Variants in SV2B observed in about 807,000 individuals in gnomAD.
The protein encoded by SV2B is solute carrier family 22 member B2.
In SV2B, 41 loss-of-function variants were observed where a neutral mutation model predicts 73.9. The ratio of observed to expected loss-of-function variants is 0.56; its 90% CI spans 0.43 to 0.72. The LOEUF is 0.72. Ranked by LOEUF, SV2B falls within the 30% of genes least tolerant of loss-of-function variation. SV2B has a pLI of 0.00. For synonymous variants in SV2B, 314 were observed against 314.2 expected (o/e 1.00, Z 0.01); for missense variants, 764 against 857.8 (o/e 0.89, Z 1.37).
chr15:91,190,569 A>G (rs920828200), intron 1 of SV2B, among the ~76,000 whole-genome samples: 2 of 152,138 alleles, frequency 1.3e-5, no homozygotes, highest in Non-Finnish European at 2.9e-5. Context: ...TGTTCTAAGT[A>G]TCTTTAAATT....
At chr15:91,270,135 A>G (rs1339181144) in intron 9 of SV2B, among the ~76,000 whole-genome samples, 1 of 152,232 alleles carries the variant, frequency 6.6e-6, no homozygotes, top group Non-Finnish European at 1.5e-5. Flanking sequence ...GATGTCACCC[A>G]TGGGGTGACA....
intron 9 of SV2B, among the ~76,000 whole-genome samples, chr15:91,278,892 G>A (rs1344956022): frequency 1.3e-5 from 2 of 152,046 alleles, no homozygotes; most frequent in African/African-American, 4.8e-5. Flanking sequence ...ATGGTGGCTA[G>A]AGAGCTTATT....
intron 1 of SV2B, among the ~76,000 whole-genome samples, chr15:91,158,098 C>T (rs1364911269): frequency 3.3e-5 from 5 of 152,240 alleles, no homozygotes; most frequent in East Asian, 3.9e-4. Flanking sequence ...GGATATGGTT[C>T]GTTGGTCCTC....
intron 1 of SV2B, chr15:91,102,208 G>A (rs986466203): frequency 2.0e-5 from 3 of 152,192 alleles, no homozygotes; most frequent in South Asian, 2.1e-4. Context: ...AAAAGCTCTT[G>A]TGTTATGTAT....
chr15:91,173,927 C>T (rs1355297802), intron 1 of SV2B, among the ~76,000 whole-genome samples: 1 of 152,100 alleles, frequency 6.6e-6, no homozygotes, highest in African/African-American at 2.4e-5. Context: ...TGAGGGTTTC[C>T]ATTTCATCCT....
intron 1 of SV2B, among the ~76,000 whole-genome samples, chr15:91,203,206 C>T (rs1312196732): frequency 6.6e-6 from 1 of 152,176 alleles, no homozygotes; most frequent in African/African-American, 2.4e-5. Flanking sequence ...AAGCCTTTCT[C>T]CTTGAGGACT....
At chr15:91,185,992 C>A (rs1349832515) in intron 1 of SV2B, among the ~76,000 whole-genome samples, 1 of 152,164 alleles carries the variant, frequency 6.6e-6, no homozygotes, top group African/African-American at 2.4e-5. Context: ...CCAGGCTGTC[C>A]CCCAGACCCC....
At position 91,302,435 on chromosome 15, in the gene SV2B, T is replaced by C. The variant is rs2049471047; in HGVS notation, c.*9883T>C. Among the ~76,000 whole-genome samples the C allele has an allele frequency of 6.6e-6, 1 of 152,092 alleles. No homozygotes were observed. The highest frequency in any genetic ancestry group is 1.5e-5 in the Non-Finnish European group (1 of 68,004). ...CTGGTTGTCAGAGGGCTGAGGGTGG[T>C]GGCCTTTTGCTAACTGGTATGGAAG... On this transcript the variant is annotated 3_prime_UTR_variant, in exon 13 of 13. Coordinates refer to ENST00000394232, the MANE Select transcript of SV2B (RefSeq NM_001323032.3).
At chr15:91,209,832 TC>T (rs2045789958) in intron 1 of SV2B, among the ~76,000 whole-genome samples, 1 of 152,240 alleles carries the variant, frequency 6.6e-6, no homozygotes, top group African/African-American at 2.4e-5. Context: ...AAGGTTTTCT[TC>T]CTTTCCCCTT....
At position 91,261,683 on chromosome 15, in the gene SV2B, T is replaced by C. The variant is rs1671105677; in HGVS notation, c.1008+1274T>C. On this transcript the variant is annotated intron_variant, in intron 6 of 12. Transcript: ENST00000394232. The surrounding 1 kb of genome is among the most constrained non-coding windows in gnomAD (Gnocchi z 4.7). ...TCAACTGGGTTGTACCAATCTACAATGCCACAGGCAATAGAGGACCCATTT... is the reference window on the plus strand; with the variant it reads ...TCAACTGGGTTGTACCAATCTACAACGCCACAGGCAATAGAGGACCCATTT... 6.6e-6 allele frequency among the ~76,000 whole-genome samples: 1 copy of C among 152,202 alleles called. No homozygotes were observed. Among genetic ancestry groups the C allele is most frequent in the African/African-American group, 2.4e-5 (1 of 41,438 alleles).
chr15:91,157,706 G>T (rs1009240995), intron 1 of SV2B, among the ~76,000 whole-genome samples: 3 of 152,168 alleles, frequency 2.0e-5, no homozygotes, highest in Non-Finnish European at 2.9e-5. Flanking sequence ...AGGTCATAGT[G>T]CTAAGTGGCA....
In SV2B at chr15:91,136,299, G is replaced by A. The variant is rs74644459; in HGVS notation, c.-392+35936G>A. On this transcript the variant is annotated intron_variant, in intron 1 of 12. Transcript: ENST00000394232. This position sits in a 1 kb window ranked among gnomAD's most constrained non-coding sequence, Gnocchi z 5.6. ...TCAGATTAGTCGGGAGAGAGCGGCC[G>A]ACCTCAGCAGGTTGCTGGAAGGTTT... is the stretch of plus-strand genomic sequence containing the variant. Among the ~76,000 whole-genome samples, 2,011 of 152,286 alleles carry A rather than the reference G, an allele frequency of 0.013. 43 individuals are homozygous for A. The highest frequency in any genetic ancestry group is 0.046 in the African/African-American group (1,910 of 41,550).
Position 91,284,320 on chromosome 15 carries a change from T to A in SV2B, c.1708+99T>A. 7.4e-7 allele frequency: 1 copy of A among 1,344,746 alleles called. No homozygotes were observed. Among genetic ancestry groups the A allele is most frequent in the Non-Finnish European group, 1.0e-6 (1 of 972,376 alleles). The allele number at this position is 1,344,746 out of a possible 1,614,324, so 83.3% of individuals were successfully genotyped here. On this transcript the variant is annotated intron_variant, in intron 11 of 12. Transcript: ENST00000394232. The surrounding 1 kb of genome is among the most constrained non-coding windows in gnomAD (Gnocchi z 4.5). ...AATTTTCCCTTTTATTAAATAATTC[T>A]TGCACAACAAACCCAACAAGTAAGA... is the stretch of plus-strand genomic sequence containing the variant.
chr15:91,251,889 G>A lies in SV2B; in HGVS notation c.522G>A (p.Arg174=). 1 of 1,614,182 alleles carries A rather than the reference G, an allele frequency of 6.2e-7. No individual in the cohort carries two copies. The change falls in exon 3 of 13, where the codon AGG becomes AGA. Residue 174 remains arginine, a synonymous_variant. Transcript: ENST00000394232. ...GAGGCCTGGCTGATAAGCTGGGAAGGAAGCGAGTCCTCAGCATGTCTCTGG... is the reference window on the plus strand; with the variant it reads ...GAGGCCTGGCTGATAAGCTGGGAAGAAAGCGAGTCCTCAGCATGTCTCTGG... ...ILGGLADKLG[R]KRVLSMSLAV...
intron 1 of SV2B, among the ~76,000 whole-genome samples, chr15:91,184,382 T>C (rs1404298277): frequency 6.6e-6 from 1 of 152,212 alleles, no homozygotes; most frequent in Non-Finnish European, 1.5e-5. Flanking sequence ...TCTCAATCAA[T>C]GTTATCTATC....
At chr15:91,099,599 T>A (rs913952289), upstream of SV2B, among the ~76,000 whole-genome samples, 1 of 152,006 alleles carries the variant, frequency 6.6e-6, no homozygotes, top group Admixed American at 6.6e-5. Context: ...GTGGAGTTAG[T>A]GGGTGGTGGT....
intron 1 of SV2B, among the ~76,000 whole-genome samples, chr15:91,186,069 GTAT>G (rs1364735365): frequency 6.6e-6 from 1 of 152,072 alleles, no homozygotes; most frequent in Non-Finnish European, 1.5e-5. Flanking sequence ...TTACACAATG[GTAT>G]TATTCTTCTC....
At chr15:91,198,385 C>T (rs1192245303) in intron 1 of SV2B, among the ~76,000 whole-genome samples, 1 of 151,956 alleles carries the variant, frequency 6.6e-6, no homozygotes, top group Non-Finnish European at 1.5e-5. Flanking sequence ...ACCTTCGGCA[C>T]TGAACGGATT....
At position 91,296,956 on chromosome 15, in the gene SV2B, A is replaced by G. The variant is rs1350985625; in HGVS notation, c.*4404A>G. On this transcript the variant is annotated 3_prime_UTR_variant, in exon 13 of 13. Transcript: ENST00000394232. Reference sequence around the variant, plus strand: ...GTTGGGAGCACGCTCATTCTGCCCGATTGTTGGGAGCACGCTCCTTCTGCC... The same window carrying G: ...GTTGGGAGCACGCTCATTCTGCCCGGTTGTTGGGAGCACGCTCCTTCTGCC... 7.6e-6 allele frequency: 1 copy of G among 131,818 alleles called. No homozygotes were observed. The highest frequency in any genetic ancestry group is 1.6e-5 in the Non-Finnish European group (1 of 63,996). The allele number at this position is 131,818 out of a possible 1,614,324, so 8.2% of individuals were successfully genotyped here. A position where few individuals can be genotyped will look rare whatever the true frequency, so the allele number is the denominator to read the frequency against.
Sources: gnomAD v4.1 joint callset for allele counts (sites outside exome capture counted in the v4.1 genomes callset) on GRCh38, gnomAD v4.1.1 for gene constraint, Gnocchi (gnomAD v3.1) non-coding constraint, MANE v1.5 for transcripts, NCBI Gene and HGNC (gene_info 2026-07-23, HGNC 2026-07-21) for gene names.